The following KIF21B variants were observed in gnomAD, a reference collection of about 807,000 sequenced individuals.
The protein encoded by KIF21B is kinesin family member 21B.
A neutral mutation model predicts 192.9 loss-of-function variants in KIF21B; 85 were observed. The ratio of observed to expected loss-of-function variants is 0.44; its 90% CI spans 0.37 to 0.53. KIF21B has a LOEUF of 0.53. Among genes scored for constraint, KIF21B ranks in the 20% least tolerant of loss-of-function variants. The pLI is 0.00. For synonymous variants in KIF21B, 832 were observed against 884.6 expected (o/e 0.94, Z 1.05); for missense variants, 1,716 against 2,194.8 (o/e 0.78, Z 4.36).
Position 201,004,887 on chromosome 1 carries a change from C to A in KIF21B, c.779G>T (p.Ser260Ile). 6.2e-7 allele frequency: 1 copy of A among 1,613,432 alleles called. No homozygotes were observed. The highest frequency in any genetic ancestry group is 1.1e-5 in the South Asian group (1 of 91,072). ...TGLPDGTPPS[S>I]EYETLTAKFH... is the part of the protein sequence containing the mutation. ...CTTAGCAGTGAGTGTCTCATACTCA[C>A]TCGAGGGAGGTGTACCATCAGGAAG... Residue 260 changes from serine (S) to isoleucine (I), a missense_variant, in exon 6 of 35, where the codon AGT becomes ATT. Physicochemically the swap from Ser to Ile is moderately radical, Grantham distance 142. Transcript: ENST00000461742.
chr1:201,013,535 T>C (rs1487892199), intron 1 of KIF21B, among the ~76,000 whole-genome samples: 3 of 152,244 alleles, frequency 2.0e-5, no homozygotes, highest in Admixed American at 2.0e-4. Flanking sequence ...TTTAAAACGT[T>C]TTTGCAGAGA....
chr1:200,981,518 C>A (rs1480351130), intron 28 of KIF21B, among the ~76,000 whole-genome samples: 2 of 152,194 alleles, frequency 1.3e-5, no homozygotes, highest in Non-Finnish European at 2.9e-5. Context: ...AAGCTGCATG[C>A]TGCTTCAGTT....
chr1:201,009,304 AGCAGCCCTCGAT>A lies in KIF21B; in HGVS notation c.214_225del (p.Ile72_Cys75del), dbSNP rs1337387585. On this transcript the variant is annotated inframe_deletion, in exon 2 of 35. Transcript: ENST00000461742. ...AGCACCGTGGCATTATAGCCCTCGA[AGCAGCCCTCGAT>A]GAGCTTGCTCACACAGGTGGAATAG... 1.2e-6 allele frequency: 2 copies of A among 1,614,270 alleles called. No individual in the cohort carries two copies. Among genetic ancestry groups the A allele is most frequent in the Admixed American group, 3.3e-5 (2 of 60,034 alleles).
intron 1 of KIF21B, among the ~76,000 whole-genome samples, chr1:201,016,701 G>T (rs1400728299): frequency 1.3e-5 from 2 of 152,102 alleles, no homozygotes; most frequent in Non-Finnish European, 2.9e-5. Context: ...CAGTATTATT[G>T]GGGGCAGTGC....
chr1:200,995,278 G>T (rs1250442940), intron 15 of KIF21B, among the ~76,000 whole-genome samples: 2 of 152,180 alleles, frequency 1.3e-5, no homozygotes, highest in Non-Finnish European at 2.9e-5. Flanking sequence ...CTGTCCCCAA[G>T]GCCAGCCCTT....
chr1:200,984,472 C>G (rs1399755068), intron 27 of KIF21B, among the ~76,000 whole-genome samples: 1 of 152,130 alleles, frequency 6.6e-6, no homozygotes, highest in Non-Finnish European at 1.5e-5. Context: ...GGAGAATGCA[C>G]AGAGAGTGGA....
In KIF21B at chr1:201,008,746, C is replaced by A. The variant is rs556290043; in HGVS notation, c.447+23G>T. Reference sequence around the variant, plus strand: ...TGTTGTCCACCAAGCCTCCCACCTGCCCACCCTATGGGGCCACAGTACCTC... The same window carrying A: ...TGTTGTCCACCAAGCCTCCCACCTGACCACCCTATGGGGCCACAGTACCTC... On this transcript the variant is annotated intron_variant, in intron 3 of 34. Coordinates refer to ENST00000461742, the MANE Select transcript of KIF21B (RefSeq NM_001252102.2). The A allele has an allele frequency of 2.2e-5, 34 of 1,562,670 alleles. 1 individual carries two copies. In the South Asian group the frequency reaches 3.7e-4, roughly 17 times the overall value.
intron 31 of KIF21B, 129 bp from the exon 32 acceptor site, chr1:200,977,022 T>A: frequency 1.0e-6 from 1 of 969,424 alleles, no homozygotes; most frequent in Non-Finnish European, 1.5e-6. Flanking sequence ...CAAGGCAAGA[T>A]CAAGAATCTA....
intron 3 of KIF21B, among the ~76,000 whole-genome samples, chr1:201,006,775 GACACAGACACGA>G (rs1224618258): frequency 6.6e-6 from 1 of 151,984 alleles, no homozygotes; most frequent in Non-Finnish European, 1.5e-5. Context: ...GCAGGACACA[GACACAGACACGA>G]ACACAGACAC....
chr1:201,002,328 T>C lies in KIF21B; in HGVS notation c.1235A>G (p.Asp412Gly). 1.2e-6 allele frequency: 2 copies of C among 1,613,862 alleles called. No homozygotes were observed. The highest frequency in any genetic ancestry group is 8.5e-7 in the Non-Finnish European group (1 of 1,179,766). ...CAGATCACTATAGCCCTCAGCGCCA[T>C]CCTCTCCTATCACTCGCTTGCCCTG... ...YKAGKRVIGE[D>G]GAEGYSDLFR... Residue 412 changes from aspartate to glycine, a missense_variant, in exon 9 of 35, where the codon GAT becomes GGT. Physicochemically the swap from Asp to Gly is moderately conservative, Grantham distance 94. Transcript: ENST00000461742.
At chr1:201,007,289 G>A (rs1472607748) in intron 3 of KIF21B, among the ~76,000 whole-genome samples, 7 of 26,746 alleles carry the variant, frequency 2.6e-4, no homozygotes, top group East Asian at 1.1e-3. Context: ...CCCACACACA[G>A]ACACAGAGAT....
chr1:201,023,390 C>G lies in KIF21B; in HGVS notation c.-7G>C. 6.6e-7 allele frequency: 1 copy of G among 1,524,064 alleles called. No homozygotes were observed. The highest frequency in any genetic ancestry group is 8.8e-7 in the Non-Finnish European group (1 of 1,138,318). The allele number at this position is 1,524,064 out of a possible 1,614,324, so 94.4% of individuals were successfully genotyped here. ...AGTCCCCCTGGCCGGCCATGGCCCT[C>G]TGGAGCTAGGGTCTGGGCGTGGATC... On this transcript the variant is annotated 5_prime_UTR_variant, in exon 1 of 35. Coordinates refer to ENST00000461742, the MANE Select transcript of KIF21B (RefSeq NM_001252102.2). This position sits in a 1 kb window ranked among gnomAD's most constrained non-coding sequence, Gnocchi z 5.9.
At chr1:201,005,009 C>T (rs997177545) in intron 5 of KIF21B, 76 bp from the exon 6 acceptor site, 45 of 1,499,634 alleles carry the variant, frequency 3.0e-5, no homozygotes, top group Admixed American at 7.3e-5. Context: ...TACTGCCATC[C>T]GGGAGAGGCA....
At position 200,972,224 on chromosome 1, in the gene KIF21B, T is replaced by G. The variant is rs969000980; in HGVS notation, c.*1297A>C. The G allele has an allele frequency of 1.3e-5, 2 of 152,286 alleles. No homozygotes were observed. The highest frequency in any genetic ancestry group is 4.8e-5 in the African/African-American group (2 of 41,424). The allele number at this position is 152,286 out of a possible 1,614,324, so 9.4% of individuals were successfully genotyped here. On this transcript the variant is annotated 3_prime_UTR_variant, in exon 35 of 35. Transcript: ENST00000461742. ...GAAACTCTGCCAACTCCCTCTTCCT[T>G]GATAATTTTCTGCAAGGGAGGGCCT...
At position 201,000,356 on chromosome 1, in the gene KIF21B, G is replaced by A. The variant is rs1571947807; in HGVS notation, c.1685+34C>T. Reference sequence around the variant, plus strand: ...GGCAGGGTCCACTGGGGCGGTCTGAGGGCTCTCAGGGGCGGGGACGACACT... The same window carrying A: ...GGCAGGGTCCACTGGGGCGGTCTGAAGGCTCTCAGGGGCGGGGACGACACT... On this transcript the variant is annotated intron_variant, in intron 11 of 34. Transcript: ENST00000461742. This position sits in a 1 kb window ranked among gnomAD's most constrained non-coding sequence, Gnocchi z 6.0. 1 of 1,525,986 alleles carries A rather than the reference G, an allele frequency of 6.6e-7. No individual in the cohort carries two copies. The highest frequency in any genetic ancestry group is 8.7e-7 in the Non-Finnish European group (1 of 1,146,240). 94.5% of individuals were successfully genotyped at this position (1,525,986 alleles called of 1,614,324 possible).
At chr1:201,007,391 C>CACACACACACAGAGACACACAG (rs1657941477) in intron 3 of KIF21B, among the ~76,000 whole-genome samples, 1 of 142,112 alleles carries the variant, frequency 7.0e-6, no homozygotes, top group African/African-American at 2.8e-5. Context: ...GACACACAGA[C>CACACACACACAGAGACACACAG]ACACACACGC....
intron 21 of KIF21B, 105 bp downstream of exon 21, chr1:200,989,837 G>T: frequency 1.2e-6 from 1 of 830,432 alleles, no homozygotes. Context: ...TAGCCTGTGA[G>T]TGACGCAGGT....
intron 1 of KIF21B, among the ~76,000 whole-genome samples, chr1:201,010,761 G>A (rs112410921): frequency 4.5e-4 from 69 of 152,304 alleles, no homozygotes; most frequent in Non-Finnish European, 9.0e-4. Flanking sequence ...CCTCCAAGTC[G>A]CCACCCTGTC....
In KIF21B at chr1:200,990,859, G is replaced by T; in HGVS notation, c.2687+58C>A. On this transcript the variant is annotated intron_variant, in intron 18 of 34. Transcript: ENST00000461742. The surrounding 1 kb of genome is among the most constrained non-coding windows in gnomAD (Gnocchi z 5.4). ...CTTCCCTCTTCCTCACCCTGGCCCT[G>T]CCCCATATTCCCACCCCCTCTGCCT... The T allele has an allele frequency of 6.2e-7, 1 of 1,604,978 alleles. No individual in the cohort carries two copies. The highest frequency in any genetic ancestry group is 8.5e-7 in the Non-Finnish European group (1 of 1,172,558).
Sources: gnomAD v4.1 joint callset for allele counts (sites outside exome capture counted in the v4.1 genomes callset) on GRCh38, gnomAD v4.1.1 for gene constraint, Gnocchi (gnomAD v3.1) non-coding constraint, MANE v1.5 for transcripts, NCBI Gene and HGNC (gene_info 2026-07-23, HGNC 2026-07-21) for gene names.